GALNT10: variants seen among roughly 807,000 people sequenced by gnomAD.
GALNT10 encodes polypeptide N-acetylgalactosaminyltransferase 10, also known as GalNAc transferase 10.
A neutral mutation model predicts 75.0 loss-of-function variants in GALNT10; 41 were observed. The observed-to-expected ratio is 0.55, with a 90% CI of 0.43 to 0.71. The LOEUF is 0.71. Ranked by LOEUF, GALNT10 falls within the 30% of genes least tolerant of loss-of-function variation. The pLI is 0.00. For synonymous variants in GALNT10, 302 were observed against 313.0 expected, an observed-to-expected ratio of 0.96 and a Z score of 0.37; for missense variants, 727 against 818.5, an observed-to-expected ratio of 0.89 and a Z score of 1.36.
At chr5:154,254,949 G>T (rs1423211377) in intron 1 of GALNT10, among the ~76,000 whole-genome samples, 1 of 152,014 alleles carries the variant, frequency 6.6e-6, no homozygotes, top group Non-Finnish European at 1.5e-5. Context: ...AGAGATGTAA[G>T]ATTCCTGTAG....
chr5:154,211,150 G>A (rs1252300737), intron 1 of GALNT10, among the ~76,000 whole-genome samples: 1 of 152,206 alleles, frequency 6.6e-6, no homozygotes, highest in Non-Finnish European at 1.5e-5. Flanking sequence ...GGAGGAGGAG[G>A]ACCCCTCAGG....
At chr5:154,266,573 T>TAAAAAA (rs70978533) in intron 1 of GALNT10, among the ~76,000 whole-genome samples, 5 of 141,812 alleles carry the variant, frequency 3.5e-5, no homozygotes, top group African/African-American at 7.9e-5. Flanking sequence ...AGACTATCAT[T>TAAAAAA]AAAAAAAAAA....
intron 4 of GALNT10, among the ~76,000 whole-genome samples, chr5:154,360,752 T>A (rs994190406): frequency 5.9e-5 from 9 of 152,218 alleles, no homozygotes; most frequent in African/African-American, 2.2e-4. Flanking sequence ...TAATGTTTTA[T>A]TTCCTTTCAC....
chr5:154,390,855 CCA>C (rs1380064954), intron 7 of GALNT10, among the ~76,000 whole-genome samples: 1 of 152,216 alleles, frequency 6.6e-6, no homozygotes, highest in Non-Finnish European at 1.5e-5. Context: ...GCATTTTTCT[CCA>C]CAGTTATTTA....
chr5:154,230,018 C>T (rs1581929763), intron 1 of GALNT10, among the ~76,000 whole-genome samples: 1 of 149,414 alleles, frequency 6.7e-6, no homozygotes, highest in East Asian at 2.1e-4. Flanking sequence ...AAGTCTCACT[C>T]TCAAGGGATC....
chr5:154,200,744 T>C (rs925869024), intron 1 of GALNT10, among the ~76,000 whole-genome samples: 9 of 152,228 alleles, frequency 5.9e-5, no homozygotes, highest in Non-Finnish European at 1.3e-4. Flanking sequence ...CTTCTTTTAT[T>C]AATTTCTTTG....
intron 1 of GALNT10, among the ~76,000 whole-genome samples, chr5:154,200,891 T>A (rs188572633): frequency 1.6e-3 from 247 of 152,366 alleles, no homozygotes; most frequent in African/African-American, 5.6e-3. Context: ...TTGGGTTTTT[T>A]AATTTTTAAA....
intron 1 of GALNT10, among the ~76,000 whole-genome samples, chr5:154,285,611 T>C (rs1383821794): frequency 6.6e-6 from 1 of 152,176 alleles, no homozygotes; most frequent in Non-Finnish European, 1.5e-5. Flanking sequence ...AAAAAAAATC[T>C]GTGTGTGCCC....
chr5:154,372,721 G>A (rs1355730726), intron 4 of GALNT10, among the ~76,000 whole-genome samples: 4 of 152,106 alleles, frequency 2.6e-5, no homozygotes, highest in Non-Finnish European at 5.9e-5. Flanking sequence ...GTTGTTGGCC[G>A]AGGTCCGACA....
chr5:154,400,946 A>G (rs1756148034), intron 7 of GALNT10, among the ~76,000 whole-genome samples: 2 of 152,332 alleles, frequency 1.3e-5, no homozygotes, highest in African/African-American at 4.8e-5. Context: ...TCATCTGAGC[A>G]GATGTCTGTC....
At chr5:154,353,259 A>G (rs1036568186) in intron 4 of GALNT10, among the ~76,000 whole-genome samples, 2 of 152,126 alleles carry the variant, frequency 1.3e-5, no homozygotes, top group Non-Finnish European at 1.5e-5. Flanking sequence ...GTGAAGCCGC[A>G]ATTATGAGCG....
At chr5:154,252,055 A>T (rs568880343) in intron 1 of GALNT10, among the ~76,000 whole-genome samples, 16 of 152,242 alleles carry the variant, frequency 1.1e-4, no homozygotes, top group Middle Eastern at 3.4e-3. Flanking sequence ...GAGGTAGTAG[A>T]ATTAGATTCT....
At chr5:154,197,637 T>C (rs866359559) in intron 1 of GALNT10, among the ~76,000 whole-genome samples, 38 of 152,202 alleles carry the variant, frequency 2.5e-4, no homozygotes, top group African/African-American at 9.2e-4. Flanking sequence ...TGTCTTCAGT[T>C]TTCTCAGGTG....
intron 1 of GALNT10, among the ~76,000 whole-genome samples, chr5:154,233,515 C>A (rs1753197362): frequency 6.6e-6 from 1 of 152,126 alleles, no homozygotes; most frequent in Admixed American, 6.5e-5. Context: ...AAGGCTCTGG[C>A]TTCTGAAAAG....
chr5:154,239,784 G>C (rs1475016847), intron 1 of GALNT10, among the ~76,000 whole-genome samples: 2 of 152,120 alleles, frequency 1.3e-5, no homozygotes, highest in Non-Finnish European at 2.9e-5. Context: ...CCATTAATTG[G>C]GCACTTCTGT....
intron 1 of GALNT10, among the ~76,000 whole-genome samples, chr5:154,292,998 A>G (rs945658480): frequency 2.6e-5 from 4 of 152,116 alleles, no homozygotes; most frequent in African/African-American, 7.2e-5. Context: ...CTCTCTAACC[A>G]AGACATCTAG....
intron 7 of GALNT10, 185 bp downstream of exon 7, chr5:154,386,615 G>A (rs576819353): frequency 5.3e-6 from 3 of 564,434 alleles, no homozygotes; most frequent in Non-Finnish European, 9.4e-6. Context: ...GGGGGGGTGT[G>A]GGAGGGAAGG....
chr5:154,223,962 T>A (rs2113657586), intron 1 of GALNT10, among the ~76,000 whole-genome samples: 1 of 151,834 alleles, frequency 6.6e-6, no homozygotes, highest in East Asian at 1.9e-4. Flanking sequence ...GCAGAACAAT[T>A]GGAGGGAGCA....
chr5:154,263,014 C>T (rs114768273), intron 1 of GALNT10, among the ~76,000 whole-genome samples: 3,224 of 152,096 alleles, frequency 0.021, 46 homozygotes, highest in Non-Finnish European at 0.031. Flanking sequence ...TTGGCAAGGA[C>T]GTGGAGAAAT....
Sources: allele counts gnomAD v4.1 joint callset (sites outside exome capture counted in the v4.1 genomes callset), GRCh38; gene constraint gnomAD v4.1.1; transcripts MANE v1.5; gene names NCBI Gene and HGNC (gene_info 2026-07-23, HGNC 2026-07-21).